Variants in ADGRL2 observed in about 807,000 individuals in gnomAD.
The protein encoded by ADGRL2 is calcium-independent alpha-latrotoxin receptor 2.
A neutral mutation model predicts 157.4 loss-of-function variants in ADGRL2; 44 were observed. The observed-to-expected ratio is 0.28, with a 90% CI of 0.22 to 0.36. ADGRL2 has a LOEUF of 0.36. Ranked by LOEUF, ADGRL2 falls within the 10% of genes least tolerant of loss-of-function variation. The pLI is 1.00. For missense variants in ADGRL2, 1,510 were observed against 1,768.9 expected (o/e 0.85, Z 2.63); for synonymous variants, 585 against 624.7 (o/e 0.94, Z 0.95).
chr1:81,686,977 T>G (rs2083240737), intron 3 of ADGRL2, among the ~76,000 whole-genome samples: 1 of 152,248 alleles, frequency 6.6e-6, no homozygotes, highest in South Asian at 2.1e-4. Context: ...CCAGTTTTAT[T>G]GCACTGTAGT....
chr1:81,648,590 G>A (rs1295492090), intron 3 of ADGRL2, among the ~76,000 whole-genome samples: 1 of 152,180 alleles, frequency 6.6e-6, no homozygotes, highest in East Asian at 1.9e-4. Context: ...CCACGAGAAC[G>A]GATTGCACTA....
chr1:81,416,795 G>A (rs1197505692), intron 1 of ADGRL2, among the ~76,000 whole-genome samples: 1 of 152,180 alleles, frequency 6.6e-6, no homozygotes, highest in Non-Finnish European at 1.5e-5. Context: ...GTGGTGCCAA[G>A]TAGTCATATA....
At chr1:81,628,326 T>C (rs190272714) in intron 3 of ADGRL2, among the ~76,000 whole-genome samples, 1 of 152,288 alleles carries the variant, frequency 6.6e-6, no homozygotes, top group African/African-American at 2.4e-5. Flanking sequence ...AGCTATCATT[T>C]GGGTGTGTAA....
At chr1:81,733,006 G>A (rs1245316995) in intron 1 of ADGRL2, among the ~76,000 whole-genome samples, 1 of 152,174 alleles carries the variant, frequency 6.6e-6, no homozygotes, top group African/African-American at 2.4e-5. Context: ...TCACTATGAT[G>A]ATCTGAGATA....
At chr1:81,793,577 G>A (rs1448547825) in intron 2 of ADGRL2, among the ~76,000 whole-genome samples, 1 of 151,754 alleles carries the variant, frequency 6.6e-6, no homozygotes, top group Admixed American at 6.6e-5. Context: ...CAGTATATAA[G>A]GTACAATATT....
At chr1:81,640,708 T>C (rs1475984964) in intron 3 of ADGRL2, among the ~76,000 whole-genome samples, 5 of 151,950 alleles carry the variant, frequency 3.3e-5, no homozygotes, top group Non-Finnish European at 7.4e-5. Context: ...GCTCCTATAC[T>C]AGACCCCAAC....
Position 81,950,170 on chromosome 1 carries a change from A to G in ADGRL2, c.1211-19A>G. 6.2e-7 allele frequency: 1 copy of G among 1,607,616 alleles called. No homozygotes were observed. Among genetic ancestry groups the G allele is most frequent in the East Asian group, 2.2e-5 (1 of 44,806 alleles). ...GCAAGTGTGTGTTTGAGATTAATAT[A>G]CTCATCTTTTTTCCATAGTGCCTAC... is the stretch of plus-strand genomic sequence containing the variant. On this transcript the variant is annotated intron_variant, in intron 6 of 23. Transcript: ENST00000686636.
At chr1:81,650,687 A>C (rs2082403025) in intron 3 of ADGRL2, among the ~76,000 whole-genome samples, 1 of 152,192 alleles carries the variant, frequency 6.6e-6, no homozygotes, top group African/African-American at 2.4e-5. Flanking sequence ...ATGTATTCAG[A>C]CATCACGCTA....
chr1:81,774,613 T>TGCC (rs1282141529), intron 2 of ADGRL2, among the ~76,000 whole-genome samples: 1 of 152,196 alleles, frequency 6.6e-6, no homozygotes, highest in Non-Finnish European at 1.5e-5. Context: ...TGCTTATTTT[T>TGCC]GCCCATCTTT....
intron 2 of ADGRL2, among the ~76,000 whole-genome samples, chr1:81,880,540 A>C (rs886612435): frequency 6.6e-6 from 1 of 152,140 alleles, no homozygotes; most frequent in African/African-American, 2.4e-5. Flanking sequence ...AGCTCTCAGC[A>C]AAGAGAGGGG....
At chr1:81,646,809 C>A (rs1432845088) in intron 3 of ADGRL2, among the ~76,000 whole-genome samples, 1 of 152,136 alleles carries the variant, frequency 6.6e-6, no homozygotes, top group Admixed American at 6.5e-5. Context: ...TAGGCCCTGC[C>A]ATGCCAGCCT....
chr1:81,669,672 G>T lies in ADGRL2; in HGVS notation c.-143+88692G>T, dbSNP rs140785176. On this transcript the variant is annotated intron_variant, in intron 3 of 24. Coordinates refer to the ADGRL2 transcript ENST00000370721. ...AAAAGAGGACACCTGGCTGGGTGTGGTGGTGCACACCTGTAATCCCAGCAC... is the reference window on the plus strand; with the variant it reads ...AAAAGAGGACACCTGGCTGGGTGTGTTGGTGCACACCTGTAATCCCAGCAC... Among the ~76,000 whole-genome samples, 1,252 of 152,236 alleles carry T rather than the reference G, an allele frequency of 8.2e-3. 16 individuals carry two copies. Among genetic ancestry groups the T allele is most frequent in the African/African-American group, 0.029 (1,189 of 41,534 alleles).
chr1:81,420,504 T>C (rs151071679), intron 1 of ADGRL2, among the ~76,000 whole-genome samples: 84 of 152,354 alleles, frequency 5.5e-4, no homozygotes, highest in Middle Eastern at 6.8e-3. Flanking sequence ...TCCCTTTGAA[T>C]TGATTTCAGC....
At chr1:81,313,724 G>C (rs1264256847) in intron 1 of ADGRL2, among the ~76,000 whole-genome samples, 1 of 152,154 alleles carries the variant, frequency 6.6e-6, no homozygotes, top group Non-Finnish European at 1.5e-5. Context: ...CATGTCAGAA[G>C]AAAAGAAGCA....
intron 3 of ADGRL2, among the ~76,000 whole-genome samples, chr1:81,675,809 T>C (rs996823754): frequency 1.3e-5 from 2 of 152,130 alleles, no homozygotes; most frequent in African/African-American, 4.8e-5. Context: ...CTTGATCTCC[T>C]GACCTCATGA....
chr1:81,885,247 C>T (rs2151301607), intron 2 of ADGRL2, among the ~76,000 whole-genome samples: 1 of 152,274 alleles, frequency 6.6e-6, no homozygotes, highest in East Asian at 1.9e-4. Context: ...TTAACTGTAA[C>T]ATATTCATGT....
chr1:81,866,356 T>G (rs556353802), intron 2 of ADGRL2, among the ~76,000 whole-genome samples: 79 of 152,144 alleles, frequency 5.2e-4, no homozygotes, highest in Non-Finnish European at 1.1e-3. Flanking sequence ...AATACTTTAT[T>G]TTTATGTCTC....
In ADGRL2 at chr1:81,558,413, T is replaced by C. The variant is rs1281841317; in HGVS notation, c.-247-22463T>C. ...AATCAGTAAGAAATAAACAGTCATT[T>C]GAATGTCAGAATCATATCAAATTAC... On this transcript the variant is annotated intron_variant, in intron 2 of 24. Coordinates refer to the ADGRL2 transcript ENST00000370721. Among the ~76,000 whole-genome samples the C allele has an allele frequency of 2.6e-5, 4 of 152,238 alleles. No individual in the cohort carries two copies. The East Asian group carries it at 5.8e-4, about 22-fold the overall frequency.
At chr1:81,716,156 T>A (rs573506871) in intron 1 of ADGRL2, among the ~76,000 whole-genome samples, 1 of 152,316 alleles carries the variant, frequency 6.6e-6, no homozygotes, top group East Asian at 1.9e-4. Flanking sequence ...AAAGTTTATT[T>A]CTAGCCTTAA....
Sources: allele counts gnomAD v4.1 joint callset (sites outside exome capture counted in the v4.1 genomes callset), GRCh38; gene constraint gnomAD v4.1.1; transcripts MANE v1.5; gene names NCBI Gene and HGNC (gene_info 2026-07-23, HGNC 2026-07-21).